HSPG2: variants seen among roughly 807,000 people sequenced by gnomAD.
The protein encoded by HSPG2 is heparan sulfate proteoglycan 2.
HSPG2 carries 278 observed loss-of-function variants against 526.6 expected under a neutral mutation model. The ratio of observed to expected loss-of-function variants is 0.53; its 90% CI spans 0.48 to 0.58. The LOEUF is 0.58. Among genes scored for constraint, HSPG2 ranks in the 20% least tolerant of loss-of-function variants. HSPG2 has a pLI of 0.00. For synonymous variants in HSPG2, 2,465 were observed against 2,555.4 expected, an observed-to-expected ratio of 0.96 and a Z score of 1.07; for missense variants, 5,354 against 6,099.5, an observed-to-expected ratio of 0.88 and a Z score of 4.07.
chr1:21,866,133 C>A (rs1640211648), intron 33 of HSPG2, among the ~76,000 whole-genome samples: 1 of 152,184 alleles, frequency 6.6e-6, no homozygotes, highest in Admixed American at 6.5e-5. Context: ...ATAAGGCAGA[C>A]AAGTGTAATG....
At chr1:21,927,528 C>T (rs1163104534) in intron 1 of HSPG2, among the ~76,000 whole-genome samples, 1 of 19,876 alleles carries the variant, frequency 5.0e-5, no homozygotes, top group South Asian at 0.014. Flanking sequence ...CCCAGGACAT[C>T]CCCCACCCCC....
intron 96 of HSPG2, 62 bp from the exon 97 acceptor site, chr1:21,823,550 G>A (rs1309212710): frequency 6.2e-7 from 1 of 1,609,898 alleles, no homozygotes; most frequent in Middle Eastern, 1.7e-4. Flanking sequence ...GAGGAAGGCT[G>A]GGCGAGCTCT....
Position 21,878,178 on chromosome 1 carries a change from A to C in HSPG2, c.2685+8T>G, listed in dbSNP as rs763446015. The C allele has an allele frequency of 4.7e-5, 76 of 1,613,210 alleles. No individual in the cohort carries two copies. The highest frequency in any genetic ancestry group is 6.7e-5 in the Admixed American group (4 of 59,970). On this transcript the variant is annotated splice_region_variant and intron_variant, in intron 21 of 96. Coordinates refer to ENST00000374695, the MANE Select transcript of HSPG2 (RefSeq NM_005529.7). ...GGCCCCTGGGTGGGTGGCAGATGGC[A>C]CGCGTACCTTACAGCGGCAGGCCTC...
chr1:21,841,701 A>G, intron 69 of HSPG2, 28 bp from the exon 70 acceptor site: 1 of 1,613,274 alleles, frequency 6.2e-7, no homozygotes, highest in Non-Finnish European at 8.5e-7. Context: ...GGAGGGTGAG[A>G]GAGGATTGAC....
chr1:21,856,999 T>C lies in HSPG2; in HGVS notation c.5575+16A>G. 1 of 1,613,146 alleles carries C rather than the reference T, an allele frequency of 6.2e-7. No homozygotes were observed. The highest frequency in any genetic ancestry group is 2.2e-5 in the East Asian group (1 of 44,876). ...AGAGACAGGAGGGGAGAATCAGGTA[T>C]AGATGGGAGGTGTACCCTGCACATG... On this transcript the variant is annotated intron_variant, in intron 44 of 96. Transcript: ENST00000374695.
At chr1:21,834,313 T>C (rs2098017474) in intron 77 of HSPG2, among the ~76,000 whole-genome samples, 1 of 152,348 alleles carries the variant, frequency 6.6e-6, no homozygotes, top group South Asian at 2.1e-4. Context: ...GCCCTGCATC[T>C]GTTGTCCTTG....
intron 29 of HSPG2, among the ~76,000 whole-genome samples, chr1:21,873,689 G>A (rs1179394791): frequency 6.6e-6 from 1 of 152,208 alleles, no homozygotes; most frequent in Non-Finnish European, 1.5e-5. Flanking sequence ...GGCTGGGGCA[G>A]GGGGCCAGGG....
chr1:21,839,273 AC>A lies in HSPG2; in HGVS notation c.9889+97del. 2 of 1,485,204 alleles carry A rather than the reference AC, an allele frequency of 1.3e-6. No individual in the cohort carries two copies. Among genetic ancestry groups the A allele is most frequent in the South Asian group, 2.3e-5 (2 of 87,806 alleles). The allele number at this position is 1,485,204 out of a possible 1,614,324, so 92.0% of individuals were successfully genotyped here. A position where few individuals can be genotyped will look rare whatever the true frequency, so the allele number is the denominator to read the frequency against. ...CTCCAGGACCCTGCAGCGCCTGGAG[AC>A]CTCTGGATGGGGTTCCTGGGGTTCT... On this transcript the variant is annotated intron_variant, in intron 73 of 96. Transcript: ENST00000374695. This position sits in a 1 kb window ranked among gnomAD's most constrained non-coding sequence, Gnocchi z 4.5.
chr1:21,867,117 G>A (rs1278552291), intron 33 of HSPG2, among the ~76,000 whole-genome samples: 1 of 47,242 alleles, frequency 2.1e-5, no homozygotes, highest in Non-Finnish European at 3.6e-5. Context: ...TGTTGCTCAG[G>A]CACTTTTTTT....
intron 13 of HSPG2, 91 bp from the exon 14 acceptor site, chr1:21,881,593 G>C: frequency 8.4e-7 from 1 of 1,184,740 alleles, no homozygotes; most frequent in South Asian, 1.4e-5. Context: ...AGGTGGGAAA[G>C]TTCTAGTGGA....
chr1:21,907,543 A>G lies in HSPG2; in HGVS notation c.64-11233T>C, dbSNP rs112873839. On this transcript the variant is annotated intron_variant, in intron 1 of 96. Transcript: ENST00000374695. ...ACTCACTTTCATCAAAACACATCCA[A>G]TTTTTTTTTAACAGGGTTCTGCTCT... is the stretch of plus-strand genomic sequence containing the variant. Among the ~76,000 whole-genome samples, 1,038 of 151,454 alleles carry G rather than the reference A, an allele frequency of 6.9e-3. 11 individuals carry two copies. Among genetic ancestry groups the G allele is most frequent in the African/African-American group, 0.024 (973 of 41,304 alleles).
chr1:21,934,939 C>T (rs1644447359), intron 1 of HSPG2, among the ~76,000 whole-genome samples: 1 of 149,078 alleles, frequency 6.7e-6, no homozygotes, highest in Non-Finnish European at 1.5e-5. Context: ...CGGAGTCTCA[C>T]TCTGTCACCC....
intron 1 of HSPG2, among the ~76,000 whole-genome samples, chr1:21,925,596 T>G (rs919234280): frequency 6.6e-6 from 1 of 152,108 alleles, no homozygotes; most frequent in African/African-American, 2.4e-5. Context: ...TATCACTGGG[T>G]TGAAATGGAA....
At position 21,850,460 on chromosome 1, in the gene HSPG2, G is replaced by A. The variant is rs1267682981; in HGVS notation, c.7197C>T (p.Pro2399=). The change falls in exon 56 of 97, where the codon CCC becomes CCT. Residue 2399 remains proline (P), a synonymous_variant. Coordinates refer to ENST00000374695, the MANE Select transcript of HSPG2 (RefSeq NM_005529.7). The part of the protein sequence containing the change: ...GSLLRLYQAS[P]ADSGEYVCRV... ...GGCACACGTACTCGCCCGAGTCGGC[G>A]GGGGACGCTTGGTAGAGTCTCAGCA... 5.0e-6 allele frequency: 8 copies of A among 1,612,040 alleles called. No homozygotes were observed. Among genetic ancestry groups the A allele is most frequent in the Non-Finnish European group, 4.2e-6 (5 of 1,179,444 alleles).
Position 21,833,595 on chromosome 1 carries a change from G to A in HSPG2, c.10850C>T (p.Pro3617Leu), listed in dbSNP as rs11588005. ...CATGTTGTTCTCCAGGCGGCTGTCAGGTGGCAGGCTGCCATCCAGCTGCAA... is the reference window on the plus strand; with the variant it reads ...CATGTTGTTCTCCAGGCGGCTGTCAAGTGGCAGGCTGCCATCCAGCTGCAA... ...SWSKLDGSLP[P>L]DSRLENNMLM... The change falls in exon 79 of 97, where the codon CCT (proline) becomes CTT (leucine). Residue 3617 changes from proline to leucine, a missense_variant. Transcript: ENST00000374695. 6.2e-7 allele frequency: 1 copy of A among 1,614,120 alleles called. No individual in the cohort carries two copies.
intron 1 of HSPG2, among the ~76,000 whole-genome samples, chr1:21,903,268 A>C (rs1180238610): frequency 6.6e-6 from 1 of 152,232 alleles, no homozygotes; most frequent in East Asian, 1.9e-4. Flanking sequence ...CTGTCCCTGC[A>C]GAACAATCCC....
At chr1:21,835,138 A>G (rs1572168384) in intron 76 of HSPG2, 193 bp from the exon 77 acceptor site, 1 of 666,936 alleles carries the variant, frequency 1.5e-6, no homozygotes, top group Non-Finnish European at 2.6e-6. Context: ...TCACGTGTCC[A>G]CTTCTTTTTT....
chr1:21,864,707 G>C lies in HSPG2; in HGVS notation c.4626+136C>G. On this transcript the variant is annotated intron_variant, in intron 36 of 96. Coordinates refer to ENST00000374695, the MANE Select transcript of HSPG2 (RefSeq NM_005529.7). The surrounding 1 kb of genome is among the most constrained non-coding windows in gnomAD (Gnocchi z 4.8). ...AATGATATGTAACTCAGGGCTGTCG[G>C]GAGGAATACATGCAGGGCCCAGATG... The C allele has an allele frequency of 2.6e-6, 2 of 754,764 alleles. No homozygotes were observed. The highest frequency in any genetic ancestry group is 4.5e-6 in the Non-Finnish European group (2 of 439,804). 46.8% of individuals were successfully genotyped at this position (754,764 alleles called of 1,614,324 possible). A position where few individuals can be genotyped will look rare whatever the true frequency, so the allele number is the denominator to read the frequency against.
rs1295317988 is a variant in HSPG2 at position 21,864,854 on chromosome 1, G to A, written c.4615C>T (p.Leu1539=). Residue 1539 remains leucine, a synonymous_variant, in exon 36 of 97, where the codon CTG becomes TTG. Transcript: ENST00000374695. This position sits in a 1 kb window ranked among gnomAD's most constrained non-coding sequence, Gnocchi z 4.8. ...ECRCPPGYIG[L]SCQDCAPGYT... is the part of the protein sequence containing the mutation. ...GGCCACACACTCACCTGGCAGGACA[G>A]ACCGATGTAGCCTGGCGGGCAGCGG... is the stretch of plus-strand genomic sequence containing the variant. The A allele has an allele frequency of 5.6e-6, 9 of 1,609,822 alleles. No homozygotes were observed. The highest frequency in any genetic ancestry group is 1.1e-5 in the South Asian group (1 of 90,540).
Sources: allele counts gnomAD v4.1 joint callset (sites outside exome capture counted in the v4.1 genomes callset), GRCh38; gene constraint gnomAD v4.1.1; non-coding constraint Gnocchi (gnomAD v3.1); transcripts MANE v1.5; gene names NCBI Gene and HGNC (gene_info 2026-07-23, HGNC 2026-07-21).